SH3GL3: variants seen among roughly 807,000 people sequenced by gnomAD.
The protein encoded by SH3GL3 is SH3 domain containing GRB2 like 3, endophilin A3.
In SH3GL3, 33 loss-of-function variants were observed where a neutral mutation model predicts 47.7. The observed-to-expected ratio is 0.69, with a 90% confidence interval of 0.52 to 0.92. SH3GL3 has a LOEUF of 0.92. SH3GL3 is among the 40% of genes least tolerant of loss of function. The probability of loss-of-function intolerance (pLI) is 0.00; values close to 1 mark genes in which losing one functional copy is unlikely to be tolerated. For missense variants in SH3GL3, 363 were observed against 417.8 expected, an observed-to-expected ratio of 0.87 and a Z score of 1.14; for synonymous variants, 155 against 148.8, an observed-to-expected ratio of 1.04 and a Z score of -0.30.
At chr15:83,529,829 C>T (rs896002331) in intron 1 of SH3GL3, among the ~76,000 whole-genome samples, 2 of 152,066 alleles carry the variant, frequency 1.3e-5, no homozygotes, top group African/African-American at 4.8e-5. Context: ...GCAATGATGA[C>T]AGTGGGCAGG....
In SH3GL3 at chr15:83,618,077, G is replaced by T. The variant is rs1482845950; in HGVS notation, c.839-5G>T. 1.3e-6 allele frequency: 2 copies of T among 1,598,328 alleles called. No individual in the cohort carries two copies. The highest frequency in any genetic ancestry group is 2.7e-5 in the African/African-American group (2 of 74,538). ...GTACTTTTTGTCTCCATATCATGTG[G>T]ACAGGTTCTAACATTCCCATGGACC... is the stretch of plus-strand genomic sequence containing the variant. On this transcript the variant is annotated splice_polypyrimidine_tract_variant and splice_region_variant and intron_variant, in intron 8 of 8. Transcript: ENST00000427482.
chr15:83,501,944 C>A (rs1471828682), intron 1 of SH3GL3, among the ~76,000 whole-genome samples: 1 of 152,094 alleles, frequency 6.6e-6, no homozygotes, highest in Non-Finnish European at 1.5e-5. Context: ...ACACAGTTTG[C>A]AGGAAAGGAA....
rs1596363914 is a variant in SH3GL3, at chr15:83,618,553, C to G, written c.*266C>G. On this transcript the variant is annotated 3_prime_UTR_variant, in exon 9 of 9. Transcript: ENST00000427482. ...TTGCTTCCTGTGGCTAAAAATAAGTCTCACCCATTGCAGTTATGTCAACGA... is the reference window on the plus strand; with the variant it reads ...TTGCTTCCTGTGGCTAAAAATAAGTGTCACCCATTGCAGTTATGTCAACGA... The G allele has an allele frequency of 2.4e-6, 1 of 419,722 alleles. No individual in the cohort carries two copies. The highest frequency in any genetic ancestry group is 4.2e-5 in the East Asian group (1 of 23,634). 26.0% of individuals were successfully genotyped at this position (419,722 alleles called of 1,614,324 possible).
chr15:83,456,775 C>G (rs191547406), intron 1 of SH3GL3, among the ~76,000 whole-genome samples: 1 of 151,822 alleles, frequency 6.6e-6, no homozygotes, highest in African/African-American at 2.4e-5. Context: ...TCTTCTGCGT[C>G]GCTCACGCTG....
intron 8 of SH3GL3, among the ~76,000 whole-genome samples, chr15:83,601,169 C>T (rs1043399877): frequency 6.6e-6 from 1 of 152,118 alleles, no homozygotes; most frequent in Non-Finnish European, 1.5e-5. Flanking sequence ...TCCTCTATAC[C>T]GATTTGGATG....
At chr15:83,557,222 C>T (rs886840817) in intron 1 of SH3GL3, among the ~76,000 whole-genome samples, 1 of 152,194 alleles carries the variant, frequency 6.6e-6, no homozygotes, top group Admixed American at 6.5e-5. Context: ...TCCTTAGATC[C>T]TCAGGCTATT....
intron 6 of SH3GL3, among the ~76,000 whole-genome samples, chr15:83,582,746 CTGTTTCTGATTT>C (rs1270912384): frequency 1.2e-4 from 18 of 152,184 alleles, no homozygotes. Flanking sequence ...TACCTGAATT[CTGTTTCTGATTT>C]TGTTTCTGCT....
intron 2 of SH3GL3, among the ~76,000 whole-genome samples, chr15:83,562,467 A>C (rs181369183): frequency 6.6e-6 from 1 of 152,286 alleles, no homozygotes; most frequent in East Asian, 1.9e-4. Context: ...TATCAAAGGG[A>C]GCACTCTAAG....
At chr15:83,625,232 A>C in the SH3GL3 span, among the ~76,000 whole-genome samples, 1 of 152,364 alleles carries the variant, frequency 6.6e-6, no homozygotes, top group African/African-American at 2.4e-5. Context: ...TCCTACTAAC[A>C]CTGTAAGTCA....
intron 1 of SH3GL3, among the ~76,000 whole-genome samples, chr15:83,543,097 T>G (rs2044241869): frequency 6.6e-6 from 1 of 152,158 alleles, no homozygotes; most frequent in Non-Finnish European, 1.5e-5. Context: ...TCATTCAGTA[T>G]GATACCAGCT....
intron 1 of SH3GL3, among the ~76,000 whole-genome samples, chr15:83,552,609 T>C (rs2044719613): frequency 6.6e-6 from 1 of 152,204 alleles, no homozygotes; most frequent in East Asian, 1.9e-4. Flanking sequence ...AGCAACATAA[T>C]ATATGGTCAG....
chr15:83,540,267 C>A (rs971538334), intron 1 of SH3GL3, among the ~76,000 whole-genome samples: 5 of 152,078 alleles, frequency 3.3e-5, no homozygotes, highest in Admixed American at 6.6e-5. Context: ...TGAAAATAAT[C>A]ATTATTTTGT....
intron 1 of SH3GL3, among the ~76,000 whole-genome samples, chr15:83,543,829 G>T (rs762632482): frequency 3.3e-5 from 5 of 151,942 alleles, no homozygotes; most frequent in Non-Finnish European, 7.4e-5. Flanking sequence ...AGTCTCTAAT[G>T]ATCCTTTGAA....
At chr15:83,462,712 A>G (rs2040361896) in intron 1 of SH3GL3, among the ~76,000 whole-genome samples, 1 of 152,236 alleles carries the variant, frequency 6.6e-6, no homozygotes, top group Non-Finnish European at 1.5e-5. Flanking sequence ...TGCAACTTCT[A>G]ATAGAGTAAT....
rs3794523 is a variant in SH3GL3, at chr15:83,577,889, G to A, written c.624+1148G>A. Among the ~76,000 whole-genome samples, 63 of 152,330 alleles carry A rather than the reference G, an allele frequency of 4.1e-4. 1 individual carries two copies. In the East Asian group the frequency reaches 9.3e-3, roughly 22 times the overall value. On this transcript the variant is annotated intron_variant, in intron 6 of 8. Transcript: ENST00000427482. ...TGAAAAGTACTTGGCAAGGCAGATG[G>A]TTAAGGGAGAACAGCTCTCTTATCT...
chr15:83,516,809 G>C (rs917159312), intron 1 of SH3GL3, among the ~76,000 whole-genome samples: 1 of 152,034 alleles, frequency 6.6e-6, no homozygotes, highest in African/African-American at 2.4e-5. Flanking sequence ...TGTATCAGGA[G>C]GCATTCCTAA....
At position 83,576,708 on chromosome 15, in the gene SH3GL3, T is replaced by G. The variant is rs754129237; in HGVS notation, c.591T>G (p.Ala197=). ...AATTTGAAGAGTCAAAGGAGTTGGC[T>G]GAAAGAAGCATGTTTAACTTTTTAG... ...VEKFEESKEL[A]ERSMFNFLEN... Residue 197 remains alanine (A), a synonymous_variant, in exon 6 of 9, where the codon GCT becomes GCG. Transcript: ENST00000427482. 5.0e-6 allele frequency: 8 copies of G among 1,611,888 alleles called. No homozygotes were observed. In the South Asian group the frequency reaches 8.8e-5, roughly 18 times the overall value.
chr15:83,586,215 C>A (rs1420813127), intron 6 of SH3GL3, among the ~76,000 whole-genome samples: 1 of 152,202 alleles, frequency 6.6e-6, no homozygotes, highest in Non-Finnish European at 1.5e-5. Context: ...GCCCCTCAGA[C>A]ACGTGGGGGA....
At chr15:83,536,023 T>C (rs549625042) in intron 1 of SH3GL3, among the ~76,000 whole-genome samples, 2 of 152,144 alleles carry the variant, frequency 1.3e-5, no homozygotes, top group Non-Finnish European at 2.9e-5. Context: ...AGACATCCTT[T>C]CTGAAAAAAA....
Sources: allele counts gnomAD v4.1 joint callset (sites outside exome capture counted in the v4.1 genomes callset), GRCh38; gene constraint gnomAD v4.1.1; transcripts MANE v1.5; gene names NCBI Gene and HGNC (gene_info 2026-07-23, HGNC 2026-07-21).